The following TUFM variants were observed in gnomAD, a reference collection of about 807,000 sequenced individuals.
TUFM encodes the protein Tu translation elongation factor, mitochondrial.
TUFM carries 23 observed loss-of-function variants against 45.0 expected under a neutral mutation model. That is an observed-to-expected ratio of 0.51 (90% confidence interval 0.37 to 0.72). TUFM has a LOEUF of 0.72. Among genes scored for constraint, TUFM ranks in the 30% least tolerant of loss-of-function variants. The pLI is 0.00. For missense variants in TUFM, 490 were observed against 610.7 expected (o/e 0.80, Z 2.08); for synonymous variants, 243 against 252.9 (o/e 0.96, Z 0.37).
chr16:28,842,823 A>T lies in TUFM; in HGVS notation c.*152T>A. The stretch of plus-strand genomic sequence containing the variant: ...TCAAAGTTTACTGACCTCCCCAGCC[A>T]GGCAGGCCAACCCTTCCGAGCAGGG... On this transcript the variant is annotated 3_prime_UTR_variant, in exon 10 of 10. Transcript: ENST00000313511. 9.9e-7 allele frequency: 1 copy of T among 1,013,474 alleles called. No homozygotes were observed. The highest frequency in any genetic ancestry group is 1.5e-6 in the Non-Finnish European group (1 of 649,658). The allele number at this position is 1,013,474 out of a possible 1,614,324, so 62.8% of individuals were successfully genotyped here. A position where few individuals can be genotyped will look rare whatever the true frequency, so the allele number is the denominator to read the frequency against.
chr16:28,845,769 C>A, intron 2 of TUFM, 143 bp downstream of exon 2: 6 of 1,054,910 alleles, frequency 5.7e-6, no homozygotes, highest in Non-Finnish European at 8.5e-6. Flanking sequence ...TTGTCTCTTG[C>A]ATCTCCCAAT....
In TUFM at chr16:28,844,361, G is replaced by C. The variant is rs755725453; in HGVS notation, c.818-27C>G. ...TGGGAGGGAATAAGACAGGATATCA[G>C]GGACCCCGAGCTAGGCTTCTGCTAG... On this transcript the variant is annotated intron_variant, in intron 6 of 9. Coordinates refer to ENST00000313511, the MANE Select transcript of TUFM (RefSeq NM_003321.5). This position sits in a 1 kb window ranked among gnomAD's most constrained non-coding sequence, Gnocchi z 5.8. The C allele has an allele frequency of 1.3e-5, 21 of 1,614,078 alleles. No individual in the cohort carries two copies. The South Asian group carries it at 2.3e-4, about 18-fold the overall frequency.
In TUFM at chr16:28,842,465, G is replaced by C. The variant is rs768538192; in HGVS notation, c.*510C>G. 9.9e-6 allele frequency: 2 copies of C among 202,920 alleles called. No individual in the cohort carries two copies. The highest frequency in any genetic ancestry group is 8.5e-5 in the South Asian group (1 of 11,796). The allele number at this position is 202,920 out of a possible 1,614,324, so 12.6% of individuals were successfully genotyped here. A position where few individuals can be genotyped will look rare whatever the true frequency, so the allele number is the denominator to read the frequency against. Reference sequence around the variant, plus strand: ...CTGGAAGCAAACCTACAGCATCTGAGGTATGCCTGTCCAGTCCCTGTTCCC... The same window carrying C: ...CTGGAAGCAAACCTACAGCATCTGACGTATGCCTGTCCAGTCCCTGTTCCC... On this transcript the variant is annotated 3_prime_UTR_variant, in exon 10 of 10. Coordinates refer to ENST00000313511, the MANE Select transcript of TUFM (RefSeq NM_003321.5).
chr16:28,844,680 G>A lies in TUFM; in HGVS notation c.684+18C>T, dbSNP rs1305760625. On this transcript the variant is annotated intron_variant, in intron 5 of 9. Transcript: ENST00000313511. The surrounding 1 kb of genome is among the most constrained non-coding windows in gnomAD (Gnocchi z 5.8). Reference sequence around the variant, plus strand: ...CCCCACCCTCTGCAGCAGCTGCCCTGCCTGACCCCGCGTTCACCTCAAGGG... The same window carrying A: ...CCCCACCCTCTGCAGCAGCTGCCCTACCTGACCCCGCGTTCACCTCAAGGG... 3 of 1,614,158 alleles carry A rather than the reference G, an allele frequency of 1.9e-6. No individual in the cohort carries two copies. The highest frequency in any genetic ancestry group is 2.2e-5 in the South Asian group (2 of 91,084).
In TUFM at chr16:28,844,898, G is replaced by A. The variant is rs747533224; in HGVS notation, c.520-36C>T. On this transcript the variant is annotated intron_variant, in intron 4 of 9. Coordinates refer to ENST00000313511, the MANE Select transcript of TUFM (RefSeq NM_003321.5). This position sits in a 1 kb window ranked among gnomAD's most constrained non-coding sequence, Gnocchi z 5.8. The stretch of plus-strand genomic sequence containing the variant: ...CAGAGAGACAGGGACAATATACAGA[G>A]GGGCCCAACTCCCCACTCTTCCCTT... 5 of 1,613,992 alleles carry A rather than the reference G, an allele frequency of 3.1e-6. No individual in the cohort carries two copies. In the South Asian group the frequency reaches 4.4e-5, roughly 14 times the overall value.
intron 9 of TUFM, 35 bp downstream of exon 9, chr16:28,843,701 C>G: frequency 6.2e-7 from 1 of 1,611,568 alleles, no homozygotes; most frequent in Non-Finnish European, 8.5e-7. Context: ...ATAAAAAGTC[C>G]CCCCTCCACC....
At position 28,845,297 on chromosome 16, in the gene TUFM, G is replaced by A. The variant is rs759674187; in HGVS notation, c.414+17C>T. On this transcript the variant is annotated intron_variant, in intron 3 of 9. Coordinates refer to ENST00000313511, the MANE Select transcript of TUFM (RefSeq NM_003321.5). ...GGCAGCTTCTGGCCCTGTCTCCAGTGTCCCAGCAACCCTCACCTTAACATA... is the reference window on the plus strand; with the variant it reads ...GGCAGCTTCTGGCCCTGTCTCCAGTATCCCAGCAACCCTCACCTTAACATA... The A allele has an allele frequency of 2.5e-6, 4 of 1,614,000 alleles. No homozygotes were observed. The South Asian group carries it at 4.4e-5, about 18-fold the overall frequency.
In TUFM at chr16:28,844,109, G is replaced by A. The variant is rs756576281; in HGVS notation, c.923-8C>T. 3.7e-5 allele frequency: 60 copies of A among 1,614,078 alleles called. No homozygotes were observed. Among genetic ancestry groups the A allele is most frequent in the Non-Finnish European group, 4.5e-5 (53 of 1,180,040 alleles). ...TGTGGAACATCTCAATGCCTAGGAC[G>A]GAAAGGGAAAAGGAGCAGGGAGAAG... is the stretch of plus-strand genomic sequence containing the variant. On this transcript the variant is annotated splice_region_variant and splice_polypyrimidine_tract_variant and intron_variant, in intron 7 of 9. Transcript: ENST00000313511. The surrounding 1 kb of genome is among the most constrained non-coding windows in gnomAD (Gnocchi z 5.8).
chr16:28,843,198 C>T, intron 9 of TUFM, 50 bp from the exon 10 acceptor site: 7 of 1,605,466 alleles, frequency 4.4e-6, no homozygotes, highest in Non-Finnish European at 6.0e-6. Flanking sequence ...TGCCTTCATT[C>T]CTTAAGTCTT....
In TUFM at chr16:28,844,428, A is replaced by C. The variant is rs1415316371; in HGVS notation, c.808T>G (p.Ser270Ala). The C allele has an allele frequency of 4.3e-6, 7 of 1,614,042 alleles. No individual in the cohort carries two copies. Among genetic ancestry groups the C allele is most frequent in the Non-Finnish European group, 5.9e-6 (7 of 1,180,038 alleles). ...CAGACAGAGTCCTCACCAGGGACGGAGTACACCGCCTCCACAGGCAGCAGG... is the reference window on the plus strand; with the variant it reads ...CAGACAGAGTCCTCACCAGGGACGGCGTACACCGCCTCCACAGGCAGCAGG... ...PFLLPVEAVY[S>A]VPGRGTVVTG... is the part of the protein sequence containing the mutation. The change falls in exon 6 of 10, where the codon TCC (serine) becomes GCC (alanine). Residue 270 changes from serine to alanine, a missense_variant. Coordinates refer to ENST00000313511, the MANE Select transcript of TUFM (RefSeq NM_003321.5). The surrounding 1 kb of genome is among the most constrained non-coding windows in gnomAD (Gnocchi z 5.8).
Position 28,842,732 on chromosome 16 carries a change from C to T in TUFM, c.*243G>A. ...TCCCCATCTGTCTGGGGTTCAACACCCTTTTTGTCCTCCCCTATCCTCTCC... is the reference window on the plus strand; with the variant it reads ...TCCCCATCTGTCTGGGGTTCAACACTCTTTTTGTCCTCCCCTATCCTCTCC... On this transcript the variant is annotated 3_prime_UTR_variant, in exon 10 of 10. Coordinates refer to ENST00000313511, the MANE Select transcript of TUFM (RefSeq NM_003321.5). 1.8e-6 allele frequency: 1 copy of T among 560,748 alleles called. No homozygotes were observed. The highest frequency in any genetic ancestry group is 3.2e-6 in the Non-Finnish European group (1 of 311,194). The allele number at this position is 560,748 out of a possible 1,614,324, so 34.7% of individuals were successfully genotyped here.
chr16:28,845,602 CAG>C (rs1421479075), intron 2 of TUFM, 122 bp from the exon 3 acceptor site: 3 of 1,260,692 alleles, frequency 2.4e-6, no homozygotes, highest in Non-Finnish European at 3.4e-6. Flanking sequence ...ACTCTTCCAG[CAG>C]AGAGAACTGT....
rs1171025115 is a variant in TUFM at position 28,844,731 on chromosome 16, T to C, written c.651A>G (p.Pro217=). Residue 217 remains proline (P), a synonymous_variant, in exon 5 of 10, where the codon CCA becomes CCG. Coordinates refer to ENST00000313511, the MANE Select transcript of TUFM (RefSeq NM_003321.5). This position sits in a 1 kb window ranked among gnomAD's most constrained non-coding sequence, Gnocchi z 5.8. The part of the protein sequence containing the change: ...TEFGYKGEET[P]VIVGSALCAL... ...CACAGAGAGCAGAGCCTACGATGACTGGGGTCTCCTCCCCTTTATAGCCAA... is the reference window on the plus strand; with the variant it reads ...CACAGAGAGCAGAGCCTACGATGACCGGGGTCTCCTCCCCTTTATAGCCAA... 1 of 1,614,172 alleles carries C rather than the reference T, an allele frequency of 6.2e-7. No homozygotes were observed. Among genetic ancestry groups the C allele is most frequent in the Non-Finnish European group, 8.5e-7 (1 of 1,180,034 alleles).
chr16:28,845,552 G>C, intron 2 of TUFM, 72 bp from the exon 3 acceptor site: 1 of 1,571,774 alleles, frequency 6.4e-7, no homozygotes. Flanking sequence ...CCACGCCCCT[G>C]AACCCTCCCA....
At position 28,842,430 on chromosome 16, in the gene TUFM, T is replaced by C. The variant is rs763065235; in HGVS notation, c.*545A>G. On this transcript the variant is annotated 3_prime_UTR_variant, in exon 10 of 10. Coordinates refer to ENST00000313511, the MANE Select transcript of TUFM (RefSeq NM_003321.5). Reference sequence around the variant, plus strand: ...ATCAAAAAATTTGTGACCTGCTTTATTGTGGTAGTCTGGAAGCAAACCTAC... The same window carrying C: ...ATCAAAAAATTTGTGACCTGCTTTACTGTGGTAGTCTGGAAGCAAACCTAC... The C allele has an allele frequency of 5.5e-6, 1 of 182,778 alleles. No individual in the cohort carries two copies. Among genetic ancestry groups the C allele is most frequent in the Non-Finnish European group, 1.2e-5 (1 of 86,356 alleles). 11.3% of individuals were successfully genotyped at this position (182,778 alleles called of 1,614,324 possible).
Position 28,844,856 on chromosome 16 carries a change from C to A in TUFM, c.526G>T (p.Val176Leu). 6.2e-7 allele frequency: 1 copy of A among 1,614,196 alleles called. No homozygotes were observed. Among genetic ancestry groups the A allele is most frequent in the Non-Finnish European group, 8.5e-7 (1 of 1,180,042 alleles). Residue 176 changes from valine (V) to leucine (L), a missense_variant, in exon 5 of 10, where the codon GTG becomes TTG. Physicochemically the swap from Val to Leu is conservative, Grantham distance 32. Transcript: ENST00000313511. This position sits in a 1 kb window ranked among gnomAD's most constrained non-coding sequence, Gnocchi z 5.8. ...EHLLLARQIG[V>L]EHVVVYVNKA... is the part of the protein sequence containing the mutation. Reference sequence around the variant, plus strand: ...TTCACATACACCACCACATGCTCCACCCCAATCTGTAGATGCCAGAGAGAC... The same window carrying A: ...TTCACATACACCACCACATGCTCCAACCCAATCTGTAGATGCCAGAGAGAC...
rs1259031024 is a variant in TUFM, at chr16:28,846,279, C to T, written c.-10G>A. 1 of 1,553,316 alleles carries T rather than the reference C, an allele frequency of 6.4e-7. No homozygotes were observed. The highest frequency in any genetic ancestry group is 1.9e-5 in the Admixed American group (1 of 51,470). On this transcript the variant is annotated 5_prime_UTR_variant, in exon 1 of 10. Transcript: ENST00000313511. ...CCGCCATTGTGGTCATACTCGCGCCCCGGTAACCGGGGAGCCGGGACCAGG... is the reference window on the plus strand; with the variant it reads ...CCGCCATTGTGGTCATACTCGCGCCTCGGTAACCGGGGAGCCGGGACCAGG...
At position 28,845,944 on chromosome 16, in the gene TUFM, C is replaced by CCGTG; in HGVS notation, c.211_214dup (p.Gly72AlafsTer16). On this transcript the variant is annotated frameshift_variant, in exon 2 of 10. Coordinates refer to ENST00000313511, the MANE Select transcript of TUFM (RefSeq NM_003321.5). LOFTEE classifies it high-confidence loss of function. ...GATGGCTGCAGTCAGCGTGGTCTTC[C>CCGTG]CGTGGTCCACATGGCCGATGGTACC... is the stretch of plus-strand genomic sequence containing the variant. 6.2e-7 allele frequency: 1 copy of CCGTG among 1,614,120 alleles called. No individual in the cohort carries two copies. Among genetic ancestry groups the CCGTG allele is most frequent in the Non-Finnish European group, 8.5e-7 (1 of 1,180,006 alleles).
rs1194968944 is a variant in TUFM at position 28,842,867 on chromosome 16, C to A, written c.*108G>T. 5.6e-6 allele frequency: 8 copies of A among 1,419,550 alleles called. No homozygotes were observed. The highest frequency in any genetic ancestry group is 7.9e-6 in the Non-Finnish European group (8 of 1,008,406). 87.9% of individuals were successfully genotyped at this position (1,419,550 alleles called of 1,614,324 possible). ...AGCAGGGGAAATGTCCATCTAGCTGCCCTCTGCTGGGTTGCAGCCTATGCC... is the reference window on the plus strand; with the variant it reads ...AGCAGGGGAAATGTCCATCTAGCTGACCTCTGCTGGGTTGCAGCCTATGCC... On this transcript the variant is annotated 3_prime_UTR_variant, in exon 10 of 10. Transcript: ENST00000313511.
Sources: gnomAD v4.1 joint callset for allele counts on GRCh38, gnomAD v4.1.1 for gene constraint, Gnocchi (gnomAD v3.1) non-coding constraint, MANE v1.5 for transcripts, NCBI Gene and HGNC (gene_info 2026-07-23, HGNC 2026-07-21) for gene names.